Variants in THRB observed in about 807,000 individuals in gnomAD.
THRB encodes nuclear receptor subfamily 1 group A member 2.
In THRB, 12 loss-of-function variants were observed where a neutral mutation model predicts 47.8. The observed-to-expected ratio is 0.25, with a 90% CI of 0.16 to 0.41. The LOEUF (loss-of-function observed/expected upper bound fraction) is 0.41, where lower values mean the gene tolerates loss of function less well. THRB is among the 10% of genes least tolerant of loss of function. THRB has a pLI of 1.00. For synonymous variants in THRB, 218 were observed against 212.2 expected (o/e 1.03, Z -0.24); for missense variants, 348 against 589.2 (o/e 0.59, Z 4.24).
At chr3:24,455,858 G>C (rs898504807) in intron 1 of THRB, among the ~76,000 whole-genome samples, 1 of 152,188 alleles carries the variant, frequency 6.6e-6, no homozygotes, top group Admixed American at 6.5e-5. Flanking sequence ...GTTGGTTTAG[G>C]TGGGCTGGAG....
chr3:24,304,783 G>A (rs760088443), intron 2 of THRB, among the ~76,000 whole-genome samples: 3 of 152,076 alleles, frequency 2.0e-5, no homozygotes, highest in Non-Finnish European at 2.9e-5. Context: ...ATGATTAAAG[G>A]AAGAAGAGGG....
chr3:24,389,691 CT>C (rs202116904), intron 1 of THRB, among the ~76,000 whole-genome samples: 98 of 151,142 alleles, frequency 6.5e-4, no homozygotes, highest in East Asian at 2.3e-3. Context: ...AATTCCCCCC[CT>C]TTTTTTTTGT....
intron 1 of THRB, among the ~76,000 whole-genome samples, chr3:24,358,565 T>C (rs2063847996): frequency 6.6e-6 from 1 of 152,196 alleles, no homozygotes; most frequent in South Asian, 2.1e-4. Flanking sequence ...ATCTTTATCA[T>C]ATACCAAATT....
intron 1 of THRB, among the ~76,000 whole-genome samples, chr3:24,414,852 A>T (rs1213654757): frequency 6.6e-6 from 1 of 151,868 alleles, no homozygotes; most frequent in Non-Finnish European, 1.5e-5. Context: ...TTCCTAGAAA[A>T]TCTGTCTATT....
intron 4 of THRB, among the ~76,000 whole-genome samples, chr3:24,227,343 A>G (rs2047760266): frequency 6.6e-6 from 1 of 152,224 alleles, no homozygotes. Flanking sequence ...TCATCCCAAC[A>G]GAAACATTGA....
chr3:24,435,059 G>A (rs2070804570), intron 1 of THRB, among the ~76,000 whole-genome samples: 1 of 152,168 alleles, frequency 6.6e-6, no homozygotes, highest in Admixed American at 6.5e-5. Flanking sequence ...GGCTGTCAGA[G>A]TGAAAAGAGG....
chr3:24,301,494 T>C (rs1289361362), intron 2 of THRB, among the ~76,000 whole-genome samples: 2 of 152,146 alleles, frequency 1.3e-5, no homozygotes, highest in Non-Finnish European at 2.9e-5. Context: ...AAGACACCTA[T>C]CTAGCCTGTA....
chr3:24,377,680 G>T (rs1444071394), intron 1 of THRB, among the ~76,000 whole-genome samples: 1 of 152,148 alleles, frequency 6.6e-6, no homozygotes, highest in African/African-American at 2.4e-5. Context: ...GACCCACAAT[G>T]TAACTTTCTA....
intron 3 of THRB, among the ~76,000 whole-genome samples, chr3:24,233,603 GAAA>G (rs1405840312): frequency 6.6e-6 from 1 of 150,688 alleles, no homozygotes; most frequent in Admixed American, 6.6e-5. Context: ...AAGAAAGAAA[GAAA>G]GAAAGAAAGA....
In THRB at chr3:24,408,138, G is replaced by T. The variant is rs553551494; in HGVS notation, c.-260-70767C>A. On this transcript the variant is annotated intron_variant, in intron 1 of 10. Coordinates refer to ENST00000646209, the MANE Select transcript of THRB (RefSeq NM_001354712.2). ...TTTTGATGAATGATAGACATATTTT[G>T]ATCTATAGGGCAGAAACCATCAAAT... 1.3e-4 allele frequency among the ~76,000 whole-genome samples: 20 copies of T among 151,908 alleles called. No homozygotes were observed. The South Asian group carries it at 4.2e-3, about 32-fold the overall frequency.
chr3:24,366,380 C>T (rs866009253), intron 1 of THRB, among the ~76,000 whole-genome samples: 5 of 152,148 alleles, frequency 3.3e-5, no homozygotes, highest in Non-Finnish European at 5.9e-5. Context: ...TACCCCCATG[C>T]TTCCAGGCAG....
intron 2 of THRB, among the ~76,000 whole-genome samples, chr3:24,302,767 T>C (rs909020601): frequency 1.3e-5 from 2 of 152,228 alleles, no homozygotes; most frequent in African/African-American, 2.4e-5. Context: ...ACCTACTCAT[T>C]TATTTTCCAT....
chr3:24,418,329 C>CT (rs372366359), intron 1 of THRB, among the ~76,000 whole-genome samples: 65 of 142,488 alleles, frequency 4.6e-4, no homozygotes, highest in Non-Finnish European at 6.6e-4. Context: ...TTTTAAAAGA[C>CT]TTTTTTTTTT....
intron 4 of THRB, among the ~76,000 whole-genome samples, chr3:24,196,906 G>C (rs1033284425): frequency 6.6e-6 from 1 of 152,266 alleles, no homozygotes; most frequent in Non-Finnish European, 1.5e-5. Flanking sequence ...AACCTTCAAG[G>C]TCTAGTTCAT....
intron 4 of THRB, among the ~76,000 whole-genome samples, chr3:24,208,900 C>T (rs991976683): frequency 6.6e-6 from 1 of 152,212 alleles, no homozygotes; most frequent in African/African-American, 2.4e-5. Flanking sequence ...TCAGAGTGAA[C>T]AGGCAACCTA....
intron 2 of THRB, among the ~76,000 whole-genome samples, chr3:24,314,946 A>G (rs962445642): frequency 1.3e-5 from 2 of 152,226 alleles, no homozygotes; most frequent in African/African-American, 2.4e-5. Context: ...TTGAAGTTTA[A>G]AAAACACAGG....
intron 2 of THRB, among the ~76,000 whole-genome samples, chr3:24,308,976 A>T (rs1036030102): frequency 1.3e-5 from 2 of 152,112 alleles, no homozygotes; most frequent in Non-Finnish European, 2.9e-5. Flanking sequence ...TCAGGCCCCA[A>T]ACAGAACCTC....
chr3:24,463,711 A>G (rs1406549970), intron 1 of THRB, among the ~76,000 whole-genome samples: 1 of 152,210 alleles, frequency 6.6e-6, no homozygotes, highest in Admixed American at 6.5e-5. Flanking sequence ...AGTATACTTG[A>G]TTTGGACTTA....
At chr3:24,399,336 T>C (rs555781290) in intron 1 of THRB, among the ~76,000 whole-genome samples, 1 of 152,146 alleles carries the variant, frequency 6.6e-6, no homozygotes, top group African/African-American at 2.4e-5. Context: ...AGTGACCAAT[T>C]TGAGGTTATA....
Sources: allele counts gnomAD v4.1 joint callset (sites outside exome capture counted in the v4.1 genomes callset), GRCh38; gene constraint gnomAD v4.1.1; transcripts MANE v1.5; gene names NCBI Gene and HGNC (gene_info 2026-07-23, HGNC 2026-07-21).